The following LUC7L3 variants were observed in gnomAD, a reference collection of about 807,000 sequenced individuals.
LUC7L3 encodes the protein LUC7 like 3 pre-mRNA splicing factor.
Under a neutral mutation model 66.8 loss-of-function variants are expected in LUC7L3, and 6 were observed. The observed-to-expected ratio is 0.09, with a 90% CI of 0.05 to 0.18. The LOEUF is 0.18. Ranked by LOEUF, LUC7L3 falls within the 10% of genes least tolerant of loss-of-function variation. The probability of loss-of-function intolerance (pLI) is 1.00; values close to 1 mark genes in which losing one functional copy is unlikely to be tolerated. For missense variants in LUC7L3, 341 were observed against 531.1 expected (o/e 0.64, Z 3.52); for synonymous variants, 160 against 174.7 (o/e 0.92, Z 0.66).
chr17:50,730,232 A>G (rs1597901635), intron 1 of LUC7L3, among the ~76,000 whole-genome samples: 1 of 151,932 alleles, frequency 6.6e-6, no homozygotes, highest in Non-Finnish European at 1.5e-5. Context: ...TCAGCCTCCC[A>G]AAGTGCTGAG....
rs1009900734 is a variant in LUC7L3, at chr17:50,755,097, G to C, written c.*4436G>C. On this transcript the variant is annotated 3_prime_UTR_variant, in exon 10 of 10. Transcript: ENST00000505658. ...TCATGCAGGATTGGTTTTCAAGTTT[G>C]ATTTCCTGAGGGATTTTTTAGTTGT... 5.9e-5 allele frequency: 9 copies of C among 152,068 alleles called. No individual in the cohort carries two copies. Among genetic ancestry groups the C allele is most frequent in the African/African-American group, 2.2e-4 (9 of 41,392 alleles). 9.4% of individuals were successfully genotyped at this position (152,068 alleles called of 1,614,324 possible). A position where few individuals can be genotyped will look rare whatever the true frequency, so the allele number is the denominator to read the frequency against.
chr17:50,745,434 G>GTAAT (rs1379153258), intron 7 of LUC7L3, among the ~76,000 whole-genome samples: 2 of 152,136 alleles, frequency 1.3e-5, no homozygotes, highest in Non-Finnish European at 2.9e-5. Context: ...TTTCCTATGT[G>GTAAT]TAATTATTTT....
rs1475872161 is a variant in LUC7L3, at chr17:50,719,619, T to C, written c.-114T>C. The C allele has an allele frequency of 7.7e-6, 6 of 779,976 alleles. No individual in the cohort carries two copies. The highest frequency in any genetic ancestry group is 1.7e-5 in the South Asian group (1 of 57,218). 48.3% of individuals were successfully genotyped at this position (779,976 alleles called of 1,614,324 possible). A position where few individuals can be genotyped will look rare whatever the true frequency, so the allele number is the denominator to read the frequency against. ...GGCCATTTTGTCTTGTCGGCTCCTG[T>C]GTGTAGGAGGGATTTCGGCCTGAGA... On this transcript the variant is annotated 5_prime_UTR_variant, in exon 1 of 10. Coordinates refer to ENST00000505658, the MANE Select transcript of LUC7L3 (RefSeq NM_016424.5).
chr17:50,741,752 T>A (rs1186473275), intron 5 of LUC7L3, 21 bp downstream of exon 5: 1 of 1,576,762 alleles, frequency 6.3e-7, no homozygotes, highest in Non-Finnish European at 8.7e-7. Flanking sequence ...TGTGCATTAA[T>A]GTCAGGAAGT....
chr17:50,726,519 A>T (rs1969196320), intron 1 of LUC7L3, among the ~76,000 whole-genome samples: 1 of 152,168 alleles, frequency 6.6e-6, no homozygotes, highest in African/African-American at 2.4e-5. Flanking sequence ...ACCCATACGA[A>T]GTGCAGCTAG....
At chr17:50,731,393 C>T (rs1969595475) in intron 1 of LUC7L3, among the ~76,000 whole-genome samples, 1 of 152,072 alleles carries the variant, frequency 6.6e-6, no homozygotes, top group Non-Finnish European at 1.5e-5. Flanking sequence ...GTCTTGAACT[C>T]CTGACCTCAG....
chr17:50,725,933 A>C (rs1969150891), intron 1 of LUC7L3, among the ~76,000 whole-genome samples: 1 of 152,202 alleles, frequency 6.6e-6, no homozygotes, highest in Non-Finnish European at 1.5e-5. Context: ...ACTGCATAAA[A>C]TTAACTATAG....
chr17:50,748,888 TA>T (rs34366486), intron 9 of LUC7L3, among the ~76,000 whole-genome samples: 93,237 of 150,050 alleles, frequency 0.62, 30,533 homozygotes, highest in African/African-American at 0.85. Flanking sequence ...TTAAAAAATG[TA>T]AAAAAAAAAA....
chr17:50,723,719 A>G lies in LUC7L3; in HGVS notation c.99+3888A>G, dbSNP rs1020838779. On this transcript the variant is annotated intron_variant, in intron 1 of 9. Coordinates refer to ENST00000505658, the MANE Select transcript of LUC7L3 (RefSeq NM_016424.5). The stretch of plus-strand genomic sequence containing the variant: ...ACCCAGGCTGGAGTGTAGTGGCATG[A>G]TCTTGGCTCACTGCAACCTCCACCT... 5 of 265,946 alleles carry G rather than the reference A, an allele frequency of 1.9e-5. No homozygotes were observed. In the Admixed American group the frequency reaches 2.7e-4, roughly 14 times the overall value. 16.5% of individuals were successfully genotyped at this position (265,946 alleles called of 1,614,324 possible).
chr17:50,729,767 CT>C (rs1372913766), intron 1 of LUC7L3, among the ~76,000 whole-genome samples: 1 of 151,790 alleles, frequency 6.6e-6, no homozygotes, highest in Non-Finnish European at 1.5e-5. Context: ...CAAGGACTTA[CT>C]GTATATAGTA....
intron 1 of LUC7L3, among the ~76,000 whole-genome samples, chr17:50,727,948 C>CAAA (rs5820830): frequency 3.1e-4 from 41 of 134,066 alleles, no homozygotes; most frequent in African/African-American, 1.0e-3. Flanking sequence ...ACTAAAAATA[C>CAAA]AAAAAAAAAA....
rs1247656202 is a variant in LUC7L3 at position 50,724,864 on chromosome 17, C to T, written c.99+5033C>T. On this transcript the variant is annotated intron_variant, in intron 1 of 9. Transcript: ENST00000505658. ...GCAACCTCCACCTCCCGGGTTCAAG[C>T]GATTCTCCTGCCTCAGCCTCCAGAG... Among the ~76,000 whole-genome samples, 3 of 149,102 alleles carry T rather than the reference C, an allele frequency of 2.0e-5. 1 individual carries two copies. The highest frequency in any genetic ancestry group is 4.4e-5 in the Non-Finnish European group (3 of 67,686).
chr17:50,742,209 G>T (rs1273274721), intron 5 of LUC7L3, among the ~76,000 whole-genome samples: 2 of 152,166 alleles, frequency 1.3e-5, no homozygotes, highest in Non-Finnish European at 2.9e-5. Context: ...TGACACCTAT[G>T]AGAATAGCTA....
chr17:50,740,208 C>T, intron 2 of LUC7L3, 98 bp from the exon 3 acceptor site: 6 of 893,414 alleles, frequency 6.7e-6, no homozygotes, highest in Non-Finnish European at 8.8e-6. Flanking sequence ...TAAAGTGAAT[C>T]CTTTTTCTTT....
rs1012523123 is a variant in LUC7L3 at position 50,752,853 on chromosome 17, T to G, written c.*2192T>G. On this transcript the variant is annotated 3_prime_UTR_variant, in exon 10 of 10. Transcript: ENST00000505658. The stretch of plus-strand genomic sequence containing the variant: ...ATGGTGCTTCAATTTTAGGTGGTTA[T>G]GAATAAATTTGAATTTTGCTTTTAA... 6.6e-6 allele frequency: 1 copy of G among 152,218 alleles called. No individual in the cohort carries two copies. The highest frequency in any genetic ancestry group is 2.4e-5 in the African/African-American group (1 of 41,460). The allele number at this position is 152,218 out of a possible 1,614,324, so 9.4% of individuals were successfully genotyped here. A position where few individuals can be genotyped will look rare whatever the true frequency, so the allele number is the denominator to read the frequency against.
intron 1 of LUC7L3, among the ~76,000 whole-genome samples, chr17:50,725,248 A>G (rs990215713): frequency 3.3e-5 from 5 of 152,108 alleles, no homozygotes; most frequent in African/African-American, 7.2e-5. Context: ...TGTCTCTACT[A>G]AAAATACAAA....
chr17:50,742,669 TTA>T (rs1970424801), intron 5 of LUC7L3, among the ~76,000 whole-genome samples: 1 of 152,152 alleles, frequency 6.6e-6, no homozygotes, highest in African/African-American at 2.4e-5. Flanking sequence ...CTGGAGTCTC[TTA>T]AAAAGTTAAA....
chr17:50,746,615 A>G lies in LUC7L3; in HGVS notation c.1051A>G (p.Arg351Gly). 6.2e-7 allele frequency: 1 copy of G among 1,614,158 alleles called. No homozygotes were observed. Among genetic ancestry groups the G allele is most frequent in the Non-Finnish European group, 8.5e-7 (1 of 1,179,996 alleles). Residue 351 changes from arginine to glycine, a missense_variant, in exon 9 of 10, where the codon AGA becomes GGA. Physicochemically the swap from Arg to Gly is moderately radical, Grantham distance 125. Coordinates refer to ENST00000505658, the MANE Select transcript of LUC7L3 (RefSeq NM_016424.5). ...ACACAGATCTCGAAGTCGGGATCGA[A>G]GAAGATCAAAAAGCCGGGATCGAAA... is the stretch of plus-strand genomic sequence containing the variant. The part of the protein sequence containing the change: ...RKHRSRSRDR[R>G]RSKSRDRKSY...
At chr17:50,746,091 C>T (rs1422706547) in intron 8 of LUC7L3, 88 bp downstream of exon 8, 26 of 1,440,438 alleles carry the variant, frequency 1.8e-5, no homozygotes, top group Admixed American at 2.9e-5. Flanking sequence ...TGGAATGGTA[C>T]TTGGGAAGCT....
Sources: gnomAD v4.1 joint callset for allele counts (sites outside exome capture counted in the v4.1 genomes callset) on GRCh38, gnomAD v4.1.1 for gene constraint, MANE v1.5 for transcripts, NCBI Gene and HGNC (gene_info 2026-07-23, HGNC 2026-07-21) for gene names.